Variants in COX7B2 observed in about 807,000 individuals in gnomAD.
The protein encoded by COX7B2 is cytochrome c oxidase subunit 7B2, mitochondrial.
For synonymous variants in COX7B2, 37 were observed against 32.1 expected, an observed-to-expected ratio of 1.15 and a Z score of -0.51; for missense variants, 109 against 95.9, an observed-to-expected ratio of 1.14 and a Z score of -0.57.
intron 2 of COX7B2, among the ~76,000 whole-genome samples, chr4:46,844,632 A>C (rs1319813938): frequency 6.6e-6 from 1 of 152,056 alleles, no homozygotes; most frequent in African/African-American, 2.4e-5. Context: ...ATCTTTTGAA[A>C]ATGTTTGCTG....
At chr4:46,807,176 T>A (rs1719044648) in intron 2 of COX7B2, among the ~76,000 whole-genome samples, 1 of 151,960 alleles carries the variant, frequency 6.6e-6, no homozygotes, top group African/African-American at 2.4e-5. Context: ...TGTCAATATT[T>A]GTTATCTTTT....
At chr4:46,885,370 G>T (rs533120973) in intron 1 of COX7B2, among the ~76,000 whole-genome samples, 27 of 152,178 alleles carry the variant, frequency 1.8e-4, no homozygotes, top group African/African-American at 6.5e-4. Flanking sequence ...AAAAAATTTT[G>T]AAACATTCCT....
rs1338096540 is a variant in COX7B2 at position 46,881,505 on chromosome 4, G to A, written c.-105+27655C>T. On this transcript the variant is annotated intron_variant, in intron 1 of 2. Coordinates refer to ENST00000355591, the MANE Select transcript of COX7B2 (RefSeq NM_130902.3). ...CGGCTGAACATGGTGGCTTACGCCT[G>A]TAATCCCAGCACTGTGGGAGGCCGA... Among the ~76,000 whole-genome samples the A allele has an allele frequency of 2.6e-5, 4 of 152,166 alleles. No individual in the cohort carries two copies. In the East Asian group the frequency reaches 5.8e-4, roughly 22 times the overall value.
At chr4:46,868,758 T>C (rs1054264556) in intron 1 of COX7B2, among the ~76,000 whole-genome samples, 1 of 152,186 alleles carries the variant, frequency 6.6e-6, no homozygotes, top group African/African-American at 2.4e-5. Flanking sequence ...TTGTGGTTCT[T>C]TCGCATTTGC....
intron 1 of COX7B2, among the ~76,000 whole-genome samples, chr4:46,897,006 A>C (rs1256483610): frequency 6.6e-6 from 1 of 152,218 alleles, no homozygotes; most frequent in Non-Finnish European, 1.5e-5. Context: ...TGAACTTACA[A>C]AACAAGATAT....
At chr4:46,752,428 T>C (rs540081430) in intron 2 of COX7B2, among the ~76,000 whole-genome samples, 1 of 152,234 alleles carries the variant, frequency 6.6e-6, no homozygotes, top group South Asian at 2.1e-4. Context: ...CCTGCCTGAT[T>C]ACCCTGGCCA....
At chr4:46,880,482 C>A (rs911610167) in intron 1 of COX7B2, among the ~76,000 whole-genome samples, 1 of 139,798 alleles carries the variant, frequency 7.2e-6, no homozygotes, top group Non-Finnish European at 1.5e-5. Context: ...TCATTATTGG[C>A]CTATGCAGGA....
rs748623798 is a variant in COX7B2, at chr4:46,807,657, T to C, written c.-50+37303A>G. Among the ~76,000 whole-genome samples, 6 of 152,050 alleles carry C rather than the reference T, an allele frequency of 3.9e-5. No homozygotes were observed. In the South Asian group the frequency reaches 8.3e-4, roughly 21 times the overall value. ...TATGGTTTTGGTCTTATATTTAAGCTGCTTTTATCCATTTTGGGTTGACTT... is the reference window on the plus strand; with the variant it reads ...TATGGTTTTGGTCTTATATTTAAGCCGCTTTTATCCATTTTGGGTTGACTT... On this transcript the variant is annotated intron_variant, in intron 2 of 2. Coordinates refer to ENST00000355591, the MANE Select transcript of COX7B2 (RefSeq NM_130902.3).
chr4:46,753,314 C>T (rs1400726679), intron 2 of COX7B2, among the ~76,000 whole-genome samples: 1 of 151,788 alleles, frequency 6.6e-6, no homozygotes, highest in Non-Finnish European at 1.5e-5. Context: ...TTCTTTTCTT[C>T]TTTATTAGTC....
At chr4:46,810,380 T>C (rs765969840) in intron 2 of COX7B2, among the ~76,000 whole-genome samples, 5 of 152,058 alleles carry the variant, frequency 3.3e-5, no homozygotes, top group Non-Finnish European at 7.4e-5. Flanking sequence ...ACCTTTATAA[T>C]TTGATAATTT....
At chr4:46,801,027 A>G (rs2109622675) in intron 2 of COX7B2, among the ~76,000 whole-genome samples, 1 of 152,136 alleles carries the variant, frequency 6.6e-6, no homozygotes, top group East Asian at 1.9e-4. Flanking sequence ...TAAAATCAAA[A>G]CTCCAATAAG....
At chr4:46,738,069 T>A (rs1178817862) in intron 2 of COX7B2, among the ~76,000 whole-genome samples, 1 of 152,158 alleles carries the variant, frequency 6.6e-6, no homozygotes, top group Non-Finnish European at 1.5e-5. Context: ...GAAGGTGACA[T>A]CGGTCAGGGT....
chr4:46,843,183 C>T (rs375899668), intron 2 of COX7B2, among the ~76,000 whole-genome samples: 1 of 151,880 alleles, frequency 6.6e-6, no homozygotes, highest in East Asian at 1.9e-4. Flanking sequence ...GTCAGAAAGA[C>T]CTGAATTAGA....
At chr4:46,790,489 G>T (rs750805221) in intron 2 of COX7B2, among the ~76,000 whole-genome samples, 8 of 151,988 alleles carry the variant, frequency 5.3e-5, no homozygotes, top group Non-Finnish European at 1.0e-4. Flanking sequence ...ACTTATTATT[G>T]CTGGGCTTAT....
chr4:46,836,644 G>C (rs754841760), intron 2 of COX7B2, among the ~76,000 whole-genome samples: 2 of 151,938 alleles, frequency 1.3e-5, no homozygotes, highest in Non-Finnish European at 2.9e-5. Flanking sequence ...AAACATAGTA[G>C]AGTGAACATA....
At position 46,867,003 on chromosome 4, in the gene COX7B2, A is replaced by G. The variant is rs115213087; in HGVS notation, c.-104-21989T>C. 7.9e-3 allele frequency among the ~76,000 whole-genome samples: 1,203 copies of G among 152,274 alleles called. 7 individuals carry two copies. The highest frequency in any genetic ancestry group is 0.027 in the African/African-American group (1,121 of 41,552). On this transcript the variant is annotated intron_variant, in intron 1 of 2. Transcript: ENST00000355591. ...ATCTCACCTGGTTTTTACCTTTCAT[A>G]CAACCTTTAATAGCTATCTTGTTAC...
At chr4:46,878,692 C>T (rs530812351) in intron 1 of COX7B2, among the ~76,000 whole-genome samples, 3 of 152,224 alleles carry the variant, frequency 2.0e-5, no homozygotes, top group South Asian at 4.1e-4. Context: ...CTTAACGCTC[C>T]GTCTTCCTCA....
At chr4:46,805,039 C>G (rs1718921507) in intron 2 of COX7B2, among the ~76,000 whole-genome samples, 1 of 152,190 alleles carries the variant, frequency 6.6e-6, no homozygotes, top group East Asian at 1.9e-4. Context: ...GGCCCAGGTG[C>G]TAACCTCTCA....
intron 1 of COX7B2, among the ~76,000 whole-genome samples, chr4:46,885,446 T>TA (rs1233976193): frequency 2.6e-5 from 4 of 152,146 alleles, no homozygotes; most frequent in Admixed American, 6.5e-5. Flanking sequence ...AGTAAACATA[T>TA]AAACAAGTTC....
Sources: allele counts gnomAD v4.1 joint callset (sites outside exome capture counted in the v4.1 genomes callset), GRCh38; gene constraint gnomAD v4.1.1; transcripts MANE v1.5; gene names NCBI Gene and HGNC (gene_info 2026-07-23, HGNC 2026-07-21).